Variants in AKAP13 observed in about 807,000 individuals in gnomAD.
AKAP13 encodes A-kinase anchoring protein 13.
In AKAP13, 80 loss-of-function variants were observed where a neutral mutation model predicts 264.5. The ratio of observed to expected loss-of-function variants is 0.30; its 90% confidence interval spans 0.25 to 0.36. The LOEUF (loss-of-function observed/expected upper bound fraction) is 0.36. Among genes scored for constraint, AKAP13 ranks in the 10% least tolerant of loss-of-function variants. The pLI is 1.00. For missense variants in AKAP13, 3,712 were observed against 3,435.2 expected (o/e 1.08, Z -2.01); for synonymous variants, 1,380 against 1,250.2 (o/e 1.10, Z -2.19).
At chr15:85,710,778 T>C in intron 19 of AKAP13, 133 bp downstream of exon 19, 2 of 999,722 alleles carry the variant, frequency 2.0e-6, no homozygotes, top group South Asian at 3.3e-5. Flanking sequence ...GAGAGAAGGC[T>C]GCTGTTTTAT....
chr15:85,483,703 CGA>C (rs1383481253), intron 1 of AKAP13, among the ~76,000 whole-genome samples: 1 of 148,040 alleles, frequency 6.8e-6, no homozygotes, highest in Non-Finnish European at 1.5e-5. Context: ...CTCAGCTACT[CGA>C]GAGGCTGAGG....
intron 3 of AKAP13, among the ~76,000 whole-genome samples, chr15:85,527,165 G>C (rs193006294): frequency 2.3e-4 from 35 of 152,132 alleles, no homozygotes; most frequent in African/African-American, 7.0e-4. Flanking sequence ...GGGTTTCACC[G>C]TGTTAGCCAG....
At chr15:85,699,159 A>C (rs540456699) in intron 17 of AKAP13, among the ~76,000 whole-genome samples, 1 of 151,970 alleles carries the variant, frequency 6.6e-6, no homozygotes, top group Admixed American at 6.6e-5. Flanking sequence ...ATTTACAAAA[A>C]TATGCCAGGG....
At position 85,546,505 on chromosome 15, in the gene AKAP13, A is replaced by C. The variant is rs76225572; in HGVS notation, c.662+2550A>C. On this transcript the variant is annotated intron_variant, in intron 5 of 36. Coordinates refer to ENST00000394518, the MANE Select transcript of AKAP13 (RefSeq NM_007200.5). ...TCCAGAGAGACAAAGTGGTTGGATG[A>C]AGATAACAAGGTGGTATGACCAGAA... 7.2e-5 allele frequency among the ~76,000 whole-genome samples: 11 copies of C among 152,340 alleles called. No individual in the cohort carries two copies. In the East Asian group the frequency reaches 1.9e-3, roughly 27 times the overall value.
chr15:85,575,496 A>G (rs1207145577), intron 6 of AKAP13, among the ~76,000 whole-genome samples, 167 bp downstream of exon 6: 4 of 152,170 alleles, frequency 2.6e-5, no homozygotes, highest in Non-Finnish European at 5.9e-5. Context: ...GATGGAGACC[A>G]TCCTGGCTAA....
chr15:85,681,378 C>CA (rs1281530229), intron 14 of AKAP13, among the ~76,000 whole-genome samples: 1 of 152,146 alleles, frequency 6.6e-6, no homozygotes, highest in East Asian at 1.9e-4. Flanking sequence ...TTCAGTAACT[C>CA]AATCTTTATT....
intron 5 of AKAP13, among the ~76,000 whole-genome samples, chr15:85,566,034 T>A (rs1356076527): frequency 6.6e-6 from 1 of 152,226 alleles, no homozygotes; most frequent in Non-Finnish European, 1.5e-5. Flanking sequence ...CATTGGTGCA[T>A]GGTAACATTA....
At chr15:85,381,326 T>A (rs1397466027) in intron 1 of AKAP13, among the ~76,000 whole-genome samples, 2 of 151,690 alleles carry the variant, frequency 1.3e-5, no homozygotes, top group African/African-American at 2.4e-5. Context: ...GGGCCGCGCC[T>A]GCCTGTCGGT....
At chr15:85,418,623 G>T (rs2072358982) in intron 1 of AKAP13, among the ~76,000 whole-genome samples, 1 of 152,194 alleles carries the variant, frequency 6.6e-6, no homozygotes, top group South Asian at 2.1e-4. Context: ...TATAATTATA[G>T]CCACTAGTTT....
intron 9 of AKAP13, among the ~76,000 whole-genome samples, chr15:85,645,208 T>C (rs765724712): frequency 6.6e-6 from 1 of 152,228 alleles, no homozygotes; most frequent in Non-Finnish European, 1.5e-5. Context: ...GCTTCCTCAA[T>C]GTACAAAGGT....
Position 85,581,385 on chromosome 15 carries a change from A to G in AKAP13, c.3317A>G (p.Glu1106Gly), listed in dbSNP as rs61731243. The G allele has an allele frequency of 0.04, 64,142 of 1,614,118 alleles. 1,710 individuals are homozygous for G. Among genetic ancestry groups the G allele is most frequent in the East Asian group, 0.15 (6,711 of 44,880 alleles). ...CAAGGTATGGCTGAGCCCAGAAGAGAGAATATATCACACAACACCCAAGAC... is the reference window on the plus strand; with the variant it reads ...CAAGGTATGGCTGAGCCCAGAAGAGGGAATATATCACACAACACCCAAGAC... Reference protein sequence around the residue: ...ALQGMAEPRRENISHNTQDIL... With the variant: ...ALQGMAEPRRGNISHNTQDIL... Residue 1106 changes from glutamate (E) to glycine (G), a missense_variant, in exon 7 of 37, where the codon GAG becomes GGG. Glu to Gly is a moderately conservative substitution (Grantham distance 98, BLOSUM62 -2). This residue lies in a region of AKAP13 where 2,759 missense variants were observed against 2,411.7 expected (regional missense o/e 1.14). Coordinates refer to ENST00000394518, the MANE Select transcript of AKAP13 (RefSeq NM_007200.5).
At chr15:85,584,661 A>C (rs926988020) in intron 7 of AKAP13, among the ~76,000 whole-genome samples, 1 of 152,256 alleles carries the variant, frequency 6.6e-6, no homozygotes, top group African/African-American at 2.4e-5. Context: ...AAAGAGGTTC[A>C]TCTATAGAAA....
intron 2 of AKAP13, among the ~76,000 whole-genome samples, chr15:85,507,951 C>T (rs1363673889): frequency 6.6e-6 from 1 of 152,192 alleles, no homozygotes; most frequent in Non-Finnish European, 1.5e-5. Flanking sequence ...TGGATCCTGG[C>T]AAGGATATAT....
rs779803596 is a variant in AKAP13 at position 85,581,527 on chromosome 15, A to T, written c.3459A>T (p.Ile1153=). The change falls in exon 7 of 37, where the codon ATA becomes ATT. Residue 1153 remains isoleucine, a synonymous_variant. Transcript: ENST00000394518. ...DPQGVGTPEM[I]PLDWEKGKLE... is the part of the protein sequence containing the mutation. ...AGGGAGTTGGAACCCCAGAGATGATACCTCTTGATTGGGAGAAAGGGAAGC... is the reference window on the plus strand; with the variant it reads ...AGGGAGTTGGAACCCCAGAGATGATTCCTCTTGATTGGGAGAAAGGGAAGC... The T allele has an allele frequency of 1.2e-6, 2 of 1,614,146 alleles. No homozygotes were observed. Among genetic ancestry groups the T allele is most frequent in the Non-Finnish European group, 1.7e-6 (2 of 1,180,030 alleles).
chr15:85,622,599 G>T (rs992134817), intron 8 of AKAP13, among the ~76,000 whole-genome samples: 8 of 152,198 alleles, frequency 5.3e-5, no homozygotes, highest in Non-Finnish European at 1.2e-4. Flanking sequence ...GATAGCACAG[G>T]CAGGATAAGA....
intron 1 of AKAP13, among the ~76,000 whole-genome samples, chr15:85,462,867 AC>A (rs1346362242): frequency 6.6e-6 from 1 of 150,742 alleles, no homozygotes; most frequent in African/African-American, 2.4e-5. Flanking sequence ...TACTAAAAAT[AC>A]AAAAAATTAG....
intron 17 of AKAP13, among the ~76,000 whole-genome samples, chr15:85,701,800 G>A (rs573145942): frequency 8.1e-6 from 1 of 123,992 alleles, no homozygotes; most frequent in East Asian, 2.4e-4. Flanking sequence ...TTTAAGTTGG[G>A]CTTGACTGTT....
At chr15:85,404,339 A>G (rs2150849009) in intron 1 of AKAP13, among the ~76,000 whole-genome samples, 1 of 152,342 alleles carries the variant, frequency 6.6e-6, no homozygotes, top group East Asian at 1.9e-4. Flanking sequence ...TGCCCACCGA[A>G]TAAAATCTGA....
At chr15:85,546,040 C>A (rs916302143) in intron 5 of AKAP13, among the ~76,000 whole-genome samples, 1 of 152,080 alleles carries the variant, frequency 6.6e-6, no homozygotes, top group Non-Finnish European at 1.5e-5. Flanking sequence ...AGAATTTGCC[C>A]ATTCTAGGTA....
Sources: gnomAD v4.1 joint callset for allele counts (sites outside exome capture counted in the v4.1 genomes callset) on GRCh38, gnomAD v4.1.1 for gene constraint, gnomAD v4.1.1 regional missense constraint, MANE v1.5 for transcripts, NCBI Gene and HGNC (gene_info 2026-07-23, HGNC 2026-07-21) for gene names.